Variants in AJAP1 observed in about 807,000 individuals in gnomAD.
AJAP1 encodes the protein adherens junctions associated protein 1, also known as adherens junction-associated protein 1.
Under a neutral mutation model 35.0 loss-of-function variants are expected in AJAP1, and 5 were observed. The observed-to-expected ratio is 0.14, with a 90% CI of 0.07 to 0.30. The LOEUF is 0.30. Among genes scored for constraint, AJAP1 ranks in the 10% least tolerant of loss-of-function variants. AJAP1 has a pLI of 1.00. For synonymous variants in AJAP1, 284 were observed against 249.3 expected, an observed-to-expected ratio of 1.14 and a Z score of -1.31; for missense variants, 586 against 571.0, an observed-to-expected ratio of 1.03 and a Z score of -0.27.
rs142371337 is a variant in AJAP1, at chr1:4,722,193, G to C, written c.829+9494G>C. ...GGTGGTTGCATGCGGGGGAACTTCAGCGTGTTCCAGCCAGGCACTGGAGAA... is the reference window on the plus strand; with the variant it reads ...GGTGGTTGCATGCGGGGGAACTTCACCGTGTTCCAGCCAGGCACTGGAGAA... On this transcript the variant is annotated intron_variant, in intron 2 of 5. Coordinates refer to ENST00000378191, the MANE Select transcript of AJAP1 (RefSeq NM_018836.4). 5.5e-3 allele frequency among the ~76,000 whole-genome samples: 836 copies of C among 152,318 alleles called. 8 individuals are homozygous for C. Among genetic ancestry groups the C allele is most frequent in the African/African-American group, 0.019 (785 of 41,572 alleles).
At chr1:4,669,829 G>C (rs1639213188) in intron 1 of AJAP1, among the ~76,000 whole-genome samples, 1 of 152,098 alleles carries the variant, frequency 6.6e-6, no homozygotes, top group Non-Finnish European at 1.5e-5. Context: ...ATGGACATTT[G>C]GGTTGTTTCC....
chr1:4,682,864 G>C (rs970726715), intron 1 of AJAP1, among the ~76,000 whole-genome samples: 1 of 152,202 alleles, frequency 6.6e-6, no homozygotes, highest in Admixed American at 6.5e-5. Flanking sequence ...TGGTGGTGAT[G>C]GTGATTGTGA....
rs1294281100 is a variant in AJAP1, at chr1:4,748,756, A to G, written c.830-21097A>G. ...GAGTGAGACTCTGTCTCAAAAAAAA[A>G]AAAAAAAAAAAAAAAAAAGAATGGA... On this transcript the variant is annotated intron_variant, in intron 2 of 5. Transcript: ENST00000378191. Among the ~76,000 whole-genome samples, 525 of 149,146 alleles carry G rather than the reference A, an allele frequency of 3.5e-3. 4 individuals are homozygous for G. The highest frequency in any genetic ancestry group is 9.4e-3 in the African/African-American group (382 of 40,424).
intron 5 of AJAP1, among the ~76,000 whole-genome samples, chr1:4,781,075 G>T (rs1642052063): frequency 6.6e-6 from 1 of 152,198 alleles, no homozygotes; most frequent in South Asian, 2.1e-4. Flanking sequence ...GGCACACTGA[G>T]TCTCCTGGAG....
intron 1 of AJAP1, among the ~76,000 whole-genome samples, chr1:4,666,256 C>T (rs1044827442): frequency 2.0e-5 from 3 of 152,138 alleles, no homozygotes; most frequent in Non-Finnish European, 4.4e-5. Flanking sequence ...CTGGCCCACC[C>T]AGGAGGAGGG....
Position 4,785,339 on chromosome 1 carries a change from G to A in AJAP1, c.*2854G>A, listed in dbSNP as rs1305493577. ...CAAAAGTCTGGTTCTGTACCAACAT[G>A]ACATCCGTCAAGGTAAATCCACACA... On this transcript the variant is annotated 3_prime_UTR_variant, in exon 6 of 6. Transcript: ENST00000378191. 1 of 152,202 alleles carries A rather than the reference G, an allele frequency of 6.6e-6. No homozygotes were observed. The highest frequency in any genetic ancestry group is 1.5e-5 in the Non-Finnish European group (1 of 68,044). The allele number at this position is 152,202 out of a possible 1,614,324, so 9.4% of individuals were successfully genotyped here.
chr1:4,760,206 T>A (rs1207223454), intron 2 of AJAP1, among the ~76,000 whole-genome samples: 1 of 150,630 alleles, frequency 6.6e-6, no homozygotes, highest in African/African-American at 2.4e-5. Context: ...TGTGTGTGCA[T>A]GTGTGTGTGA....
chr1:4,711,909 C>T lies in AJAP1; in HGVS notation c.39C>T (p.Ser13=). The change falls in exon 2 of 6, where the codon TCC becomes TCT. Residue 13 remains serine, a synonymous_variant. Transcript: ENST00000378191. ...IQQLLGLSSM[S]IRWPGRPLGS... The stretch of plus-strand genomic sequence containing the variant: ...TTTCCCCCCCGCACAGCTCCATGTC[C>T]ATCCGCTGGCCGGGCCGCCCCCTCG... 1 of 1,506,402 alleles carries T rather than the reference C, an allele frequency of 6.6e-7. No homozygotes were observed. The highest frequency in any genetic ancestry group is 8.8e-7 in the Non-Finnish European group (1 of 1,131,974). 93.3% of individuals were successfully genotyped at this position (1,506,402 alleles called of 1,614,324 possible). A position where few individuals can be genotyped will look rare whatever the true frequency, so the allele number is the denominator to read the frequency against.
intron 1 of AJAP1, among the ~76,000 whole-genome samples, chr1:4,702,389 G>A (rs1640008085): frequency 6.6e-6 from 1 of 152,206 alleles, no homozygotes. Flanking sequence ...GCTTTGTCAC[G>A]TATGGCCTGC....
chr1:4,751,385 T>C (rs139761517), intron 2 of AJAP1, among the ~76,000 whole-genome samples: 8 of 152,280 alleles, frequency 5.3e-5, no homozygotes, highest in African/African-American at 1.7e-4. Context: ...CAGCAGGGCA[T>C]AGGAGCTAGC....
intron 1 of AJAP1, among the ~76,000 whole-genome samples, chr1:4,701,369 G>A (rs1246757453): frequency 2.6e-5 from 4 of 152,222 alleles, no homozygotes; most frequent in African/African-American, 7.2e-5. Context: ...CTGGCGGGTT[G>A]CAGTGCCAAG....
In AJAP1 at chr1:4,720,104, A is replaced by G. The variant is rs982846240; in HGVS notation, c.829+7405A>G. ...AACATCACCCGCATCTTTGCAGCAGATAAGTTCCAAGTGACGTTTGAGGGC... is the reference window on the plus strand; with the variant it reads ...AACATCACCCGCATCTTTGCAGCAGGTAAGTTCCAAGTGACGTTTGAGGGC... On this transcript the variant is annotated intron_variant, in intron 2 of 5. Transcript: ENST00000378191. The surrounding 1 kb of genome is among the most constrained non-coding windows in gnomAD (Gnocchi z 4.4). 7.2e-5 allele frequency among the ~76,000 whole-genome samples: 11 copies of G among 152,188 alleles called. No individual in the cohort carries two copies. The highest frequency in any genetic ancestry group is 7.3e-5 in the Non-Finnish European group (5 of 68,036).
chr1:4,708,908 A>T (rs1038028988), intron 1 of AJAP1, among the ~76,000 whole-genome samples: 5 of 152,152 alleles, frequency 3.3e-5, no homozygotes, highest in African/African-American at 1.2e-4. Flanking sequence ...TGAACAAATC[A>T]ATCACTTTAA....
At chr1:4,750,168 G>T (rs1456538808) in intron 2 of AJAP1, among the ~76,000 whole-genome samples, 2 of 152,170 alleles carry the variant, frequency 1.3e-5, no homozygotes, top group East Asian at 3.9e-4. Context: ...CTGGCCATGT[G>T]TTTGTGTGTA....
At chr1:4,780,461 G>C (rs1253363512) in intron 5 of AJAP1, among the ~76,000 whole-genome samples, 7 of 152,090 alleles carry the variant, frequency 4.6e-5, no homozygotes. Context: ...TTCTCTCTGT[G>C]TTGTAATAAT....
chr1:4,655,321 C>G lies in AJAP1; in HGVS notation c.-105C>G, dbSNP rs534409884. 3 of 1,029,774 alleles carry G rather than the reference C, an allele frequency of 2.9e-6. No individual in the cohort carries two copies. The highest frequency in any genetic ancestry group is 3.7e-6 in the Non-Finnish European group (3 of 804,462). 63.8% of individuals were successfully genotyped at this position (1,029,774 alleles called of 1,614,324 possible). A position where few individuals can be genotyped will look rare whatever the true frequency, so the allele number is the denominator to read the frequency against. On this transcript the variant is annotated 5_prime_UTR_variant, in exon 1 of 6. Transcript: ENST00000378191. The surrounding 1 kb of genome is among the most constrained non-coding windows in gnomAD (Gnocchi z 6.9). ...CGGCGGGCGGCGGGAGGCGGCGGAC[C>G]GAGAGCCGGAGACCGGCGCCGCGGG...
chr1:4,783,086 AATG>A lies in AJAP1; in HGVS notation c.*602_*604del, dbSNP rs1355062440. On this transcript the variant is annotated 3_prime_UTR_variant, in exon 6 of 6. Transcript: ENST00000378191. ...ACTGTAGCAATTTTTGAAGATCTTAAATGTTCCTTTTTAAAAAAAAGAATTGTG... is the reference window on the plus strand; with the variant it reads ...ACTGTAGCAATTTTTGAAGATCTTAATTCCTTTTTAAAAAAAAGAATTGTG... 1 of 366,388 alleles carries A rather than the reference AATG, an allele frequency of 2.7e-6. No individual in the cohort carries two copies. The highest frequency in any genetic ancestry group is 4.8e-6 in the Non-Finnish European group (1 of 207,966). The allele number at this position is 366,388 out of a possible 1,614,324, so 22.7% of individuals were successfully genotyped here. A position where few individuals can be genotyped will look rare whatever the true frequency, so the allele number is the denominator to read the frequency against.
chr1:4,698,162 GT>G (rs2100239374), intron 1 of AJAP1, among the ~76,000 whole-genome samples: 1 of 152,236 alleles, frequency 6.6e-6, no homozygotes, highest in South Asian at 2.1e-4. Flanking sequence ...ACCTCTGGCC[GT>G]GCCAGCGTGT....
At chr1:4,679,847 G>A (rs1308563317) in intron 1 of AJAP1, among the ~76,000 whole-genome samples, 1 of 138,730 alleles carries the variant, frequency 7.2e-6, no homozygotes, top group Non-Finnish European at 1.6e-5. Context: ...GTGTGTGTGT[G>A]TGTGTAGAGA....
Sources: gnomAD v4.1 joint callset for allele counts (sites outside exome capture counted in the v4.1 genomes callset) on GRCh38, gnomAD v4.1.1 for gene constraint, Gnocchi (gnomAD v3.1) non-coding constraint, MANE v1.5 for transcripts, NCBI Gene and HGNC (gene_info 2026-07-23, HGNC 2026-07-21) for gene names.